Variants in SCFD1 observed in about 807,000 individuals in gnomAD.
SCFD1 encodes the protein sec1 family domain containing 1, also known as sec1 family domain-containing protein 1.
Under a neutral mutation model 103.2 loss-of-function variants are expected in SCFD1, and 37 were observed. That is an observed-to-expected ratio of 0.36 (90% CI 0.28 to 0.47). The LOEUF (loss-of-function observed/expected upper bound fraction) is 0.47. Among genes scored for constraint, SCFD1 ranks in the 20% least tolerant of loss-of-function variants. The pLI is 1.00. For missense variants in SCFD1, 639 were observed against 761.2 expected (o/e 0.84, Z 1.89); for synonymous variants, 264 against 245.0 (o/e 1.08, Z -0.73).
At position 30,707,838 on chromosome 14, in the gene SCFD1, A is replaced by C. The variant is rs747492660; in HGVS notation, c.1554-152A>C. 4.1e-6 allele frequency: 3 copies of C among 723,422 alleles called. No individual in the cohort carries two copies. The South Asian group carries it at 4.3e-5, about 10-fold the overall frequency. 44.8% of individuals were successfully genotyped at this position (723,422 alleles called of 1,614,324 possible). On this transcript the variant is annotated intron_variant, in intron 18 of 24. Coordinates refer to ENST00000458591, the MANE Select transcript of SCFD1 (RefSeq NM_016106.4). ...GCAGCTGTGATACCCATGGCAGCAG[A>C]AATTCTCAAGACCCTTCTGTTTAGT... is the stretch of plus-strand genomic sequence containing the variant.
intron 10 of SCFD1, among the ~76,000 whole-genome samples, chr14:30,664,356 C>G (rs1887722771): frequency 6.6e-6 from 1 of 151,940 alleles, no homozygotes; most frequent in Non-Finnish European, 1.5e-5. Flanking sequence ...GCATCAACCT[C>G]AACAAAAAGG....
intron 1 of SCFD1, 31 bp from the exon 2 acceptor site, chr14:30,628,178 G>T: frequency 6.6e-7 from 1 of 1,507,170 alleles, no homozygotes; most frequent in South Asian, 1.2e-5. Flanking sequence ...AAAAAACAAT[G>T]ACAATATTTG....
intron 1 of SCFD1, among the ~76,000 whole-genome samples, chr14:30,624,169 C>G (rs548030002): frequency 6.6e-6 from 1 of 152,188 alleles, no homozygotes; most frequent in African/African-American, 2.4e-5. Context: ...CTCCTTTCTT[C>G]CTGGTTCACT....
At chr14:30,704,272 C>T (rs773552518) in intron 17 of SCFD1, among the ~76,000 whole-genome samples, 4 of 151,992 alleles carry the variant, frequency 2.6e-5, no homozygotes, top group Non-Finnish European at 5.9e-5. Context: ...CAGTCCTGGG[C>T]TCATGATCCT....
intron 3 of SCFD1, 31 bp from the exon 4 acceptor site, chr14:30,633,916 A>G: frequency 1.5e-6 from 2 of 1,318,576 alleles, no homozygotes; most frequent in Non-Finnish European, 1.1e-6. Flanking sequence ...AGTGAATAAA[A>G]AAATAAGTTT....
chr14:30,650,342 G>A (rs966063635), intron 8 of SCFD1, among the ~76,000 whole-genome samples: 8 of 152,204 alleles, frequency 5.3e-5, no homozygotes, highest in African/African-American at 1.9e-4. Context: ...TCTTCTTAGT[G>A]ACATCAGGCC....
intron 23 of SCFD1, among the ~76,000 whole-genome samples, chr14:30,727,746 G>T (rs1360950564): frequency 6.6e-6 from 1 of 152,044 alleles, no homozygotes; most frequent in Non-Finnish European, 1.5e-5. Context: ...TGAGTTAGGA[G>T]ACCATCACAT....
intron 23 of SCFD1, among the ~76,000 whole-genome samples, chr14:30,727,261 C>T (rs897224858): frequency 2.0e-5 from 3 of 152,208 alleles, no homozygotes; most frequent in Admixed American, 2.0e-4. Flanking sequence ...GGACACCTTT[C>T]TTAACAAATC....
chr14:30,668,971 A>T (rs1888281768), intron 10 of SCFD1, among the ~76,000 whole-genome samples: 1 of 152,172 alleles, frequency 6.6e-6, no homozygotes, highest in Non-Finnish European at 1.5e-5. Flanking sequence ...GACTAGTTCA[A>T]CCATTGTGGA....
rs537453280 is a variant in SCFD1 at position 30,727,372 on chromosome 14, A to G, written c.1836+4813A>G. Among the ~76,000 whole-genome samples the G allele has an allele frequency of 2.8e-4, 42 of 152,330 alleles. 1 individual carries two copies. The highest frequency in any genetic ancestry group is 9.1e-4 in the African/African-American group (38 of 41,576). On this transcript the variant is annotated intron_variant, in intron 23 of 24. Transcript: ENST00000458591. The stretch of plus-strand genomic sequence containing the variant: ...CAACGTGTCCTAATTTTGCCTCCCA[A>G]AAGTGGTTCTCTACAATAGATAAAA...
intron 20 of SCFD1, 68 bp from the exon 21 acceptor site, chr14:30,719,257 C>T: frequency 2.0e-6 from 2 of 979,214 alleles, no homozygotes; most frequent in South Asian, 1.4e-5. Flanking sequence ...AAATAGGATA[C>T]TCTAAGCCAA....
chr14:30,721,224 A>G (rs935150646), intron 21 of SCFD1, among the ~76,000 whole-genome samples: 8 of 152,278 alleles, frequency 5.3e-5, no homozygotes, highest in Middle Eastern at 3.4e-3. Context: ...AAGTTATGAT[A>G]GCCCTCTTTT....
intron 20 of SCFD1, among the ~76,000 whole-genome samples, chr14:30,718,261 C>T (rs1892420823): frequency 6.6e-6 from 1 of 152,162 alleles, no homozygotes; most frequent in South Asian, 2.1e-4. Flanking sequence ...CTGCTATATT[C>T]CTGCTTGGTG....
intron 14 of SCFD1, 115 bp from the exon 15 acceptor site, chr14:30,694,658 T>A (rs1039644458): frequency 2.9e-6 from 4 of 1,358,852 alleles, no homozygotes; most frequent in Middle Eastern, 2.8e-4. Context: ...TTTTGACCTG[T>A]CTGAAAGAAC....
intron 15 of SCFD1, among the ~76,000 whole-genome samples, chr14:30,697,075 G>GCGGTGTATACTCATGTATT (rs1317770232): frequency 6.6e-6 from 1 of 151,930 alleles, no homozygotes; most frequent in Non-Finnish European, 1.5e-5. Flanking sequence ...GTTGGGGGGG[G>GCGGTGTATACTCATGTATT]CGGTGTATAC....
In SCFD1 at chr14:30,682,542, G is replaced by A. The variant is rs191186506; in HGVS notation, c.1242+7477G>A. On this transcript the variant is annotated intron_variant, in intron 14 of 24. Transcript: ENST00000458591. Reference sequence around the variant, plus strand: ...TGAAAATAAATTAACCAGCTATTTTGTTATATTATACAAAGCAATTGAGTT... The same window carrying A: ...TGAAAATAAATTAACCAGCTATTTTATTATATTATACAAAGCAATTGAGTT... 1.6e-3 allele frequency among the ~76,000 whole-genome samples: 238 copies of A among 152,274 alleles called. 2 individuals are homozygous for A. The highest frequency in any genetic ancestry group is 5.2e-3 in the African/African-American group (216 of 41,560).
At chr14:30,670,643 A>G (rs1888448355) in intron 11 of SCFD1, among the ~76,000 whole-genome samples, 1 of 151,924 alleles carries the variant, frequency 6.6e-6, no homozygotes, top group Non-Finnish European at 1.5e-5. Flanking sequence ...TCCTATACAG[A>G]TAGTCTTTTT....
At chr14:30,696,477 A>G (rs1004381838) in intron 15 of SCFD1, among the ~76,000 whole-genome samples, 2 of 151,092 alleles carry the variant, frequency 1.3e-5, no homozygotes, top group African/African-American at 5.0e-5. Flanking sequence ...CCCTAAAGAT[A>G]TTTAAGTAGG....
At position 30,695,923 on chromosome 14, in the gene SCFD1, T is replaced by C. The variant is rs927904251; in HGVS notation, c.1339+1054T>C. 3.9e-5 allele frequency among the ~76,000 whole-genome samples: 6 copies of C among 152,184 alleles called. No individual in the cohort carries two copies. In the East Asian group the frequency reaches 1.2e-3, roughly 29 times the overall value. On this transcript the variant is annotated intron_variant, in intron 15 of 24. Transcript: ENST00000458591. The stretch of plus-strand genomic sequence containing the variant: ...AGGCAAAAATAGTAAAAAAAAAATT[T>C]AATGTAATCCAATTGTAGTTTTTAA...
Sources: allele counts gnomAD v4.1 joint callset (sites outside exome capture counted in the v4.1 genomes callset), GRCh38; gene constraint gnomAD v4.1.1; transcripts MANE v1.5; gene names NCBI Gene and HGNC (gene_info 2026-07-23, HGNC 2026-07-21).